ADAMTSL3: variants seen among roughly 807,000 people sequenced by gnomAD.
ADAMTSL3 encodes ADAMTS-like protein 3.
In ADAMTSL3, 128 loss-of-function variants were observed where a neutral mutation model predicts 201.7. The observed-to-expected ratio is 0.63, with a 90% CI of 0.55 to 0.73. The LOEUF is 0.73. Ranked by LOEUF, ADAMTSL3 falls within the 30% of genes least tolerant of loss-of-function variation. The pLI, the probability that ADAMTSL3 is intolerant of heterozygous loss-of-function variation, is 0.00. For synonymous variants in ADAMTSL3, 738 were observed against 748.4 expected, an observed-to-expected ratio of 0.99 and a Z score of 0.23; for missense variants, 1,990 against 2,119.6, an observed-to-expected ratio of 0.94 and a Z score of 1.20.
intron 6 of ADAMTSL3, among the ~76,000 whole-genome samples, chr15:83,823,632 T>C (rs2063932933): frequency 6.6e-6 from 1 of 152,244 alleles, no homozygotes. Context: ...TTAGCTAATC[T>C]AAACTGCATT....
chr15:83,964,665 A>G (rs1890085124), intron 19 of ADAMTSL3, among the ~76,000 whole-genome samples: 1 of 152,184 alleles, frequency 6.6e-6, no homozygotes, highest in Non-Finnish European at 1.5e-5. Context: ...TTCAGGAAAT[A>G]CAGAGAATAC....
chr15:83,689,987 T>G (rs544934794), intron 2 of ADAMTSL3, among the ~76,000 whole-genome samples: 1 of 152,346 alleles, frequency 6.6e-6, no homozygotes, highest in Non-Finnish European at 1.5e-5. Flanking sequence ...TATTGAGATT[T>G]TCCTCTTCTA....
intron 2 of ADAMTSL3, 137 bp from the exon 3 acceptor site, chr15:83,704,252 C>A: frequency 1.5e-6 from 2 of 1,347,856 alleles, no homozygotes; most frequent in Non-Finnish European, 2.1e-6. Flanking sequence ...TGGTCTTTGC[C>A]AAGAGAGGTC....
chr15:83,769,821 C>A (rs1284928513), intron 3 of ADAMTSL3, among the ~76,000 whole-genome samples: 1 of 148,128 alleles, frequency 6.8e-6, no homozygotes, highest in Non-Finnish European at 1.5e-5. Context: ...AGGTAACTTG[C>A]CTAAGGGCTT....
chr15:83,769,102 T>G (rs912188380), intron 3 of ADAMTSL3, among the ~76,000 whole-genome samples: 1 of 152,192 alleles, frequency 6.6e-6, no homozygotes, highest in African/African-American at 2.4e-5. Flanking sequence ...GATTCTTTTT[T>G]TTTTTTGTAA....
chr15:83,919,978 A>G (rs2066106699), intron 16 of ADAMTSL3, among the ~76,000 whole-genome samples: 1 of 152,202 alleles, frequency 6.6e-6, no homozygotes, highest in Non-Finnish European at 1.5e-5. Context: ...ATTTGCTGAA[A>G]GTGATTGGTA....
At chr15:83,730,166 G>A (rs2141601818) in intron 3 of ADAMTSL3, among the ~76,000 whole-genome samples, 1 of 152,188 alleles carries the variant, frequency 6.6e-6, no homozygotes, top group Admixed American at 6.6e-5. Flanking sequence ...GTGAGCTGAA[G>A]GGCCTATTTT....
chr15:83,876,015 C>T (rs184815611), intron 9 of ADAMTSL3, among the ~76,000 whole-genome samples: 6 of 151,832 alleles, frequency 4.0e-5, no homozygotes, highest in Admixed American at 1.3e-4. Context: ...TTTTTCTTTT[C>T]GGTGGTAATG....
chr15:83,655,911 T>A, intron 2 of ADAMTSL3, 81 bp downstream of exon 2: 1 of 1,374,214 alleles, frequency 7.3e-7, no homozygotes, highest in Non-Finnish European at 1.0e-6. Flanking sequence ...CCACCTAAGA[T>A]GTGGCATGAT....
intron 2 of ADAMTSL3, among the ~76,000 whole-genome samples, chr15:83,682,055 A>G (rs1408792686): frequency 6.6e-6 from 1 of 152,060 alleles, no homozygotes; most frequent in Admixed American, 6.5e-5. Flanking sequence ...GTTTTTCTTC[A>G]GTTGTTTTGG....
intron 2 of ADAMTSL3, among the ~76,000 whole-genome samples, chr15:83,691,794 T>C (rs972329099): frequency 2.0e-5 from 3 of 152,264 alleles, no homozygotes; most frequent in Non-Finnish European, 2.9e-5. Flanking sequence ...TTTGTATTTT[T>C]AGTAGAGACG....
At chr15:83,869,778 A>G (rs762623860) in intron 8 of ADAMTSL3, among the ~76,000 whole-genome samples, 2 of 152,174 alleles carry the variant, frequency 1.3e-5, no homozygotes, top group Non-Finnish European at 1.5e-5. Context: ...GTATGATATC[A>G]TTGAATCAAG....
At chr15:83,716,629 G>A (rs892474836) in intron 3 of ADAMTSL3, among the ~76,000 whole-genome samples, 7 of 151,486 alleles carry the variant, frequency 4.6e-5, no homozygotes, top group Non-Finnish European at 8.8e-5. Flanking sequence ...TGTGTGTTGT[G>A]TGTGTGTGTG....
intron 12 of ADAMTSL3, 131 bp from the exon 13 acceptor site, chr15:83,892,553 A>G (rs929169426): frequency 8.2e-6 from 7 of 849,850 alleles, no homozygotes; most frequent in East Asian, 5.4e-5. Context: ...ATAAAGTCTT[A>G]TGACTCCCAG....
chr15:83,766,531 C>A (rs1241383240), intron 3 of ADAMTSL3, among the ~76,000 whole-genome samples: 1 of 152,132 alleles, frequency 6.6e-6, no homozygotes, highest in African/African-American at 2.4e-5. Context: ...TGTGGTCAAG[C>A]AGATCACAGC....
chr15:83,880,902 A>G (rs1213828515), intron 9 of ADAMTSL3, among the ~76,000 whole-genome samples: 1 of 144,870 alleles, frequency 6.9e-6, no homozygotes, highest in Non-Finnish European at 1.5e-5. Context: ...CATTATGTTT[A>G]TAATATCTAT....
chr15:83,828,435 A>G (rs1281176562), intron 6 of ADAMTSL3, among the ~76,000 whole-genome samples: 1 of 152,216 alleles, frequency 6.6e-6, no homozygotes, highest in Non-Finnish European at 1.5e-5. Flanking sequence ...GGCTGAGACG[A>G]TGGGGTTTTC....
intron 12 of ADAMTSL3, 34 bp from the exon 13 acceptor site, chr15:83,892,650 A>G (rs2065532088): frequency 1.3e-6 from 2 of 1,560,492 alleles, no homozygotes; most frequent in African/African-American, 1.4e-5. Flanking sequence ...CAAACAACAA[A>G]TAAATAATAT....
intron 5 of ADAMTSL3, among the ~76,000 whole-genome samples, chr15:83,817,630 TA>T (rs2063790184): frequency 5.9e-5 from 9 of 152,356 alleles, no homozygotes; most frequent in African/African-American, 2.2e-4. Flanking sequence ...TGAAGTTTAA[TA>T]GTTTCATCTG....
Sources: gnomAD v4.1 joint callset for allele counts (sites outside exome capture counted in the v4.1 genomes callset) on GRCh38, gnomAD v4.1.1 for gene constraint, MANE v1.5 for transcripts, NCBI Gene and HGNC (gene_info 2026-07-23, HGNC 2026-07-21) for gene names.